The following PHF14 variants were observed in gnomAD, a reference collection of about 807,000 sequenced individuals.
PHF14 encodes PHD finger protein 14.
In PHF14, 55 loss-of-function variants were observed where a neutral mutation model predicts 117.9. The observed-to-expected ratio is 0.47, with a 90% CI of 0.38 to 0.58. The LOEUF (loss-of-function observed/expected upper bound fraction) is 0.58. PHF14 is among the 20% of genes least tolerant of loss of function. The pLI, the probability that PHF14 is intolerant of heterozygous loss-of-function variation, is 0.00. For synonymous variants in PHF14, 409 were observed against 368.6 expected (o/e 1.11, Z -1.26); for missense variants, 978 against 1,122.2 (o/e 0.87, Z 1.84).
chr7:11,062,535 C>A, intron 16 of PHF14: 1 of 213,310 alleles, frequency 4.7e-6, no homozygotes, highest in Non-Finnish European at 8.1e-6. Flanking sequence ...TTTCTTATTG[C>A]TTATCAAAAC....
At chr7:11,037,683 T>C (rs1334626654) in intron 10 of PHF14, among the ~76,000 whole-genome samples, 2 of 152,216 alleles carry the variant, frequency 1.3e-5, no homozygotes, top group African/African-American at 2.4e-5. Context: ...AAGCAAAATG[T>C]GGTTAAAATG....
intron 5 of PHF14, among the ~76,000 whole-genome samples, chr7:11,019,886 A>G (rs1783674405): frequency 6.6e-6 from 1 of 152,136 alleles, no homozygotes; most frequent in African/African-American, 2.4e-5. Flanking sequence ...CCCTCTTAGT[A>G]GGGCTTTTGC....
chr7:11,128,736 C>T (rs768811827), intron 17 of PHF14, among the ~76,000 whole-genome samples: 2 of 151,186 alleles, frequency 1.3e-5, no homozygotes, highest in Non-Finnish European at 1.5e-5. Flanking sequence ...GTTCTCCTTC[C>T]GTCTCTCCCA....
At chr7:11,081,302 G>T (rs1735856755) in intron 16 of PHF14, among the ~76,000 whole-genome samples, 3 of 152,162 alleles carry the variant, frequency 2.0e-5, no homozygotes, top group Non-Finnish European at 4.4e-5. Flanking sequence ...TATTTGTAAA[G>T]TAACAGCACT....
chr7:11,146,334 A>G (rs1288618234), intron 17 of PHF14, among the ~76,000 whole-genome samples: 1 of 152,168 alleles, frequency 6.6e-6, no homozygotes. Context: ...TTTCATTGAC[A>G]AATGTTTTAA....
At chr7:11,019,856 G>A (rs118038020) in intron 5 of PHF14, among the ~76,000 whole-genome samples, 2,430 of 151,956 alleles carry the variant, frequency 0.016, 43 homozygotes, top group Non-Finnish European at 0.021. Context: ...TTTGATGTAG[G>A]TACCTATAGC....
chr7:11,053,737 G>C (rs1298230022), intron 14 of PHF14, among the ~76,000 whole-genome samples: 1 of 152,016 alleles, frequency 6.6e-6, no homozygotes, highest in Non-Finnish European at 1.5e-5. Flanking sequence ...AGTATTACTT[G>C]AGATAAAAGA....
intron 4 of PHF14, among the ~76,000 whole-genome samples, chr7:10,994,130 G>A (rs1434527749): frequency 6.6e-6 from 1 of 152,016 alleles, no homozygotes; most frequent in Non-Finnish European, 1.5e-5. Flanking sequence ...CACTGCAAGT[G>A]GAGGGAGTAG....
At chr7:11,069,668 T>TC (rs1430584836) in intron 16 of PHF14, among the ~76,000 whole-genome samples, 2 of 110,046 alleles carry the variant, frequency 1.8e-5, no homozygotes, top group Non-Finnish European at 3.5e-5. Context: ...TCCCTTTCCG[T>TC]CCCCTCCCTT....
intron 17 of PHF14, among the ~76,000 whole-genome samples, chr7:11,148,724 A>T (rs113021470): frequency 3.3e-5 from 5 of 152,352 alleles, no homozygotes; most frequent in African/African-American, 9.6e-5. Context: ...AGGTTAATAG[A>T]CAAACATTTA....
chr7:11,006,962 G>A (rs1783129162), intron 4 of PHF14: 1 of 423,196 alleles, frequency 2.4e-6, no homozygotes, highest in Non-Finnish European at 4.5e-6. Context: ...ATCACCTGAA[G>A]TCAGGAGTTT....
At chr7:10,989,493 C>T (rs1248047738) in intron 3 of PHF14, among the ~76,000 whole-genome samples, 3 of 152,050 alleles carry the variant, frequency 2.0e-5, no homozygotes, top group Non-Finnish European at 2.9e-5. Flanking sequence ...TAATGTTAAG[C>T]ACAATCTATT....
At chr7:10,989,581 AC>A (rs1782371088) in intron 3 of PHF14, among the ~76,000 whole-genome samples, 1 of 152,076 alleles carries the variant, frequency 6.6e-6, no homozygotes, top group Admixed American at 6.6e-5. Context: ...AAACAAGCAG[AC>A]CCTCTTCTGA....
chr7:11,047,663 C>T lies in PHF14; in HGVS notation c.2313-3949C>T, dbSNP rs112684019. On this transcript the variant is annotated intron_variant, in intron 13 of 17. Coordinates refer to ENST00000634607, the MANE Select transcript of PHF14 (RefSeq NM_001007157.2). Reference sequence around the variant, plus strand: ...TTAGCTAGGAATGGTGATGGGGATTCGTAATCCCTGCTACTCAGGAGGCTG... The same window carrying T: ...TTAGCTAGGAATGGTGATGGGGATTTGTAATCCCTGCTACTCAGGAGGCTG... Among the ~76,000 whole-genome samples, 70 of 150,330 alleles carry T rather than the reference C, an allele frequency of 4.7e-4. 4 individuals are homozygous for T. The highest frequency in any genetic ancestry group is 1.5e-3 in the African/African-American group (61 of 40,900).
chr7:11,153,330 C>T (rs1393422850), intron 17 of PHF14, among the ~76,000 whole-genome samples: 2 of 152,034 alleles, frequency 1.3e-5, no homozygotes, highest in East Asian at 3.9e-4. Context: ...TAAGGAATGA[C>T]CCCTAGAGTT....
intron 17 of PHF14, among the ~76,000 whole-genome samples, chr7:11,156,062 G>A (rs1788839279): frequency 6.6e-6 from 1 of 152,134 alleles, no homozygotes; most frequent in South Asian, 2.1e-4. Context: ...TTGCCAAGTG[G>A]CCTGTTTTGT....
intron 17 of PHF14, among the ~76,000 whole-genome samples, chr7:11,116,916 A>G (rs1316704795): frequency 6.6e-6 from 1 of 151,972 alleles, no homozygotes; most frequent in African/African-American, 2.4e-5. Context: ...ATTATATTGT[A>G]TATTGCCATA....
In PHF14 at chr7:11,152,996, A is replaced by C. The variant is rs1041835945; in HGVS notation, c.2773-16420A>C. Among the ~76,000 whole-genome samples the C allele has an allele frequency of 2.6e-5, 4 of 152,198 alleles. No homozygotes were observed. In the South Asian group the frequency reaches 8.3e-4, roughly 31 times the overall value. On this transcript the variant is annotated intron_variant, in intron 17 of 17. Transcript: ENST00000634607. Reference sequence around the variant, plus strand: ...AGGCCGGAAAGGTCAGAAGGGCCTGATGATGTACTTTCTAGGTCATGGCAG... The same window carrying C: ...AGGCCGGAAAGGTCAGAAGGGCCTGCTGATGTACTTTCTAGGTCATGGCAG...
intron 4 of PHF14, among the ~76,000 whole-genome samples, chr7:11,007,460 A>T (rs220089): frequency 1.3e-5 from 2 of 151,798 alleles, no homozygotes; most frequent in Non-Finnish European, 2.9e-5. Flanking sequence ...AAGTTTCAAA[A>T]TGAATTTTTA....
Sources: allele counts gnomAD v4.1 joint callset (sites outside exome capture counted in the v4.1 genomes callset), GRCh38; gene constraint gnomAD v4.1.1; transcripts MANE v1.5; gene names NCBI Gene and HGNC (gene_info 2026-07-23, HGNC 2026-07-21).